Variants in MRPL48 observed in about 807,000 individuals in gnomAD.
MRPL48 encodes the protein large ribosomal subunit protein mL48.
In MRPL48, 16 loss-of-function variants were observed where a neutral mutation model predicts 32.9. The observed-to-expected ratio is 0.49, with a 90% CI of 0.33 to 0.74. The LOEUF (loss-of-function observed/expected upper bound fraction) is 0.74. Ranked by LOEUF, MRPL48 falls within the 30% of genes least tolerant of loss-of-function variation. The pLI is 0.02. For synonymous variants in MRPL48, 94 were observed against 89.2 expected (o/e 1.05, Z -0.31); for missense variants, 206 against 245.3 (o/e 0.84, Z 1.07).
intron 3 of MRPL48, among the ~76,000 whole-genome samples, chr11:73,808,957 C>T (rs1441896354): frequency 2.0e-5 from 3 of 151,500 alleles, no homozygotes; most frequent in Non-Finnish European, 1.5e-5. Context: ...GGCTGTGCAG[C>T]ATGGTGAGAC....
intron 1 of MRPL48, among the ~76,000 whole-genome samples, chr11:73,798,125 T>A (rs1426074830): frequency 6.6e-6 from 1 of 152,124 alleles, no homozygotes; most frequent in Admixed American, 6.6e-5. Context: ...TCTGTCGCCC[T>A]GGAGGGCAGT....
At chr11:73,846,321 TC>T (rs1214944517) in intron 5 of MRPL48, among the ~76,000 whole-genome samples, 1 of 152,002 alleles carries the variant, frequency 6.6e-6, no homozygotes, top group Non-Finnish European at 1.5e-5. Context: ...CCTTTCTTTT[TC>T]TTTTTTTGTT....
intron 3 of MRPL48, among the ~76,000 whole-genome samples, chr11:73,822,798 G>A (rs1947806817): frequency 6.6e-6 from 1 of 152,102 alleles, no homozygotes; most frequent in South Asian, 2.1e-4. Flanking sequence ...GTTGAGCCAG[G>A]GAAGCTTCAT....
chr11:73,835,587 T>C (rs545740654), intron 4 of MRPL48, among the ~76,000 whole-genome samples: 2 of 151,842 alleles, frequency 1.3e-5, no homozygotes, highest in East Asian at 3.9e-4. Flanking sequence ...CTATGTACAC[T>C]ACACAACCTC....
At chr11:73,807,271 G>T (rs1478492860) in intron 2 of MRPL48, among the ~76,000 whole-genome samples, 2 of 152,134 alleles carry the variant, frequency 1.3e-5, no homozygotes, top group Non-Finnish European at 2.9e-5. Flanking sequence ...ACAGCCACAG[G>T]ATATAAAATA....
At chr11:73,853,994 T>C (rs985596198) in intron 5 of MRPL48, among the ~76,000 whole-genome samples, 11 of 152,240 alleles carry the variant, frequency 7.2e-5, no homozygotes, top group Middle Eastern at 6.8e-3. Context: ...TCGGCTGAGA[T>C]AGCTTCTTAA....
chr11:73,814,736 G>A (rs930473168), intron 3 of MRPL48, among the ~76,000 whole-genome samples: 1 of 151,420 alleles, frequency 6.6e-6, no homozygotes, highest in African/African-American at 2.4e-5. Context: ...GCTCATGCTT[G>A]TAATCTCGGC....
At chr11:73,793,447 G>C (rs1016084474) in intron 1 of MRPL48, among the ~76,000 whole-genome samples, 18 of 152,134 alleles carry the variant, frequency 1.2e-4, no homozygotes, top group Non-Finnish European at 2.5e-4. Context: ...AAAGATTCAG[G>C]GTGCTATATG....
At chr11:73,845,471 T>A (rs1463762533) in intron 5 of MRPL48, among the ~76,000 whole-genome samples, 2 of 152,208 alleles carry the variant, frequency 1.3e-5, no homozygotes, top group Admixed American at 1.3e-4. Flanking sequence ...ATGCTTTTCA[T>A]CTTATAAAAA....
At chr11:73,840,444 T>C (rs1948168436) in intron 4 of MRPL48, among the ~76,000 whole-genome samples, 1 of 152,028 alleles carries the variant, frequency 6.6e-6, no homozygotes, top group Admixed American at 6.6e-5. Flanking sequence ...CAGTAAGCTG[T>C]GATTGTGCCA....
intron 5 of MRPL48, among the ~76,000 whole-genome samples, chr11:73,850,243 ATTT>A (rs199877447): frequency 6.9e-6 from 1 of 145,906 alleles, no homozygotes; most frequent in African/African-American, 2.5e-5. Flanking sequence ...AATAACAAAA[ATTT>A]TTTTTTTACA....
intron 4 of MRPL48, among the ~76,000 whole-genome samples, chr11:73,843,818 C>G (rs2511275): frequency 6.6e-6 from 1 of 151,966 alleles, no homozygotes; most frequent in East Asian, 1.9e-4. Context: ...GTGGCTCATG[C>G]CTGTAATCCC....
At chr11:73,815,193 A>T (rs1389974319) in intron 3 of MRPL48, among the ~76,000 whole-genome samples, 1 of 151,958 alleles carries the variant, frequency 6.6e-6, no homozygotes, top group Non-Finnish European at 1.5e-5. Context: ...AGATAGGTGG[A>T]TCACCTGAGG....
chr11:73,799,540 G>A (rs968474837), intron 1 of MRPL48, among the ~76,000 whole-genome samples: 5 of 152,190 alleles, frequency 3.3e-5, no homozygotes, highest in Admixed American at 1.3e-4. Flanking sequence ...ATGTTAATTC[G>A]CTTTTCTGAG....
chr11:73,848,077 A>G (rs927074594), intron 5 of MRPL48, among the ~76,000 whole-genome samples: 1 of 152,150 alleles, frequency 6.6e-6, no homozygotes, highest in Non-Finnish European at 1.5e-5. Flanking sequence ...TTGCAAAAAA[A>G]CATTTTCCTA....
chr11:73,803,559 A>G (rs951208140), intron 1 of MRPL48, among the ~76,000 whole-genome samples: 26 of 152,056 alleles, frequency 1.7e-4, no homozygotes, highest in Admixed American at 1.7e-3. Flanking sequence ...TCAGGATATT[A>G]TATTTTATTT....
At chr11:73,828,453 T>C (rs750519633) in intron 4 of MRPL48, among the ~76,000 whole-genome samples, 19 of 152,054 alleles carry the variant, frequency 1.2e-4, no homozygotes, top group South Asian at 6.2e-4. Flanking sequence ...CTCAAACTCC[T>C]GAGCTCAAGT....
chr11:73,825,654 C>T (rs1188082489), intron 3 of MRPL48, 54 bp from the exon 4 acceptor site: 6 of 1,467,410 alleles, frequency 4.1e-6, no homozygotes, highest in Non-Finnish European at 5.6e-6. Context: ...TCTTAAAAAA[C>T]AACGATAATA....
At chr11:73,802,141 A>G (rs1947372520) in intron 1 of MRPL48, 2 of 152,254 alleles carry the variant, frequency 1.3e-5, no homozygotes, top group East Asian at 1.9e-4. Flanking sequence ...AAAGCTAAGG[A>G]TTTCTCTTAG....
Sources: gnomAD v4.1 joint callset for allele counts (sites outside exome capture counted in the v4.1 genomes callset) on GRCh38, gnomAD v4.1.1 for gene constraint, MANE v1.5 for transcripts, NCBI Gene and HGNC (gene_info 2026-07-23, HGNC 2026-07-21) for gene names.